The following PHACTR3 variants were observed in gnomAD, a reference collection of about 807,000 sequenced individuals.
PHACTR3 encodes the protein phosphatase and actin regulator 3.
A neutral mutation model predicts 66.8 loss-of-function variants in PHACTR3; 16 were observed. The ratio of observed to expected loss-of-function variants is 0.24; its 90% CI spans 0.16 to 0.36. The LOEUF is 0.36. PHACTR3 is among the 10% of genes least tolerant of loss of function. The probability of loss-of-function intolerance (pLI) is 1.00; values close to 1 mark genes in which losing one functional copy is unlikely to be tolerated. For missense variants in PHACTR3, 647 were observed against 719.9 expected (o/e 0.90, Z 1.16); for synonymous variants, 323 against 292.1 (o/e 1.11, Z -1.08).
chr20:59,631,263 T>C (rs4812121), intron 1 of PHACTR3, among the ~76,000 whole-genome samples: 120,337 of 152,124 alleles, frequency 0.79, 47,764 homozygotes, highest in East Asian at 0.89. Flanking sequence ...TGTGCATACA[T>C]GTCACTGGGA....
intron 1 of PHACTR3, among the ~76,000 whole-genome samples, chr20:59,631,793 G>T (rs1204009305): frequency 6.6e-6 from 1 of 152,134 alleles, no homozygotes; most frequent in Non-Finnish European, 1.5e-5. Flanking sequence ...TTTTTCAAAG[G>T]ACTTGGGAAA....
intron 1 of PHACTR3, among the ~76,000 whole-genome samples, chr20:59,691,333 A>T (rs1294706183): frequency 6.6e-6 from 1 of 152,260 alleles, no homozygotes; most frequent in African/African-American, 2.4e-5. Flanking sequence ...TTCTTTTGAT[A>T]TAAAATGTGA....
rs1185443006 is a variant in PHACTR3, at chr20:59,755,133, A to G, written c.359-49A>G. On this transcript the variant is annotated intron_variant, in intron 3 of 12. Transcript: ENST00000371015. Reference sequence around the variant, plus strand: ...AAAGACTCTTGGGACGACGGAAGGGATGAAGGAAGGGAGGTGCAGGCCCAG... The same window carrying G: ...AAAGACTCTTGGGACGACGGAAGGGGTGAAGGAAGGGAGGTGCAGGCCCAG... 1.9e-6 allele frequency: 3 copies of G among 1,572,534 alleles called. No homozygotes were observed. In the East Asian group the frequency reaches 6.7e-5, roughly 35 times the overall value.
chr20:59,596,515 C>T (rs2033329019), intron 1 of PHACTR3, among the ~76,000 whole-genome samples: 3 of 152,184 alleles, frequency 2.0e-5, no homozygotes, highest in Admixed American at 1.3e-4. Flanking sequence ...GATACCTACC[C>T]AGGTTTTTGT....
intron 7 of PHACTR3, among the ~76,000 whole-genome samples, chr20:59,785,872 C>G (rs1239616636): frequency 2.1e-5 from 1 of 47,656 alleles, no homozygotes; most frequent in Non-Finnish European, 6.1e-5. Flanking sequence ...CTTCTGCATC[C>G]CCTACTTCAT....
chr20:59,783,309 G>A (rs1050061600), intron 7 of PHACTR3, among the ~76,000 whole-genome samples: 32 of 152,224 alleles, frequency 2.1e-4, no homozygotes, highest in Non-Finnish European at 3.1e-4. Context: ...CCTGGTGGGC[G>A]TCTTGCAGCG....
At chr20:59,807,148 CTT>C (rs1469135254) in intron 8 of PHACTR3, among the ~76,000 whole-genome samples, 2 of 152,136 alleles carry the variant, frequency 1.3e-5, no homozygotes, top group East Asian at 1.9e-4. Context: ...TTAATAGTAA[CTT>C]TTTACTGGAT....
At chr20:59,835,983 G>A (rs2042514638) in intron 8 of PHACTR3, 1 of 152,846 alleles carries the variant, frequency 6.5e-6, no homozygotes, top group South Asian at 2.1e-4. Flanking sequence ...GCTCTACTCA[G>A]CAGTTCAGCA....
chr20:59,730,130 A>G (rs1395527446), intron 1 of PHACTR3, among the ~76,000 whole-genome samples: 2 of 152,118 alleles, frequency 1.3e-5, no homozygotes, highest in Non-Finnish European at 2.9e-5. Flanking sequence ...TACAGGTCAC[A>G]CTTGGTCTCT....
At chr20:59,751,677 C>T (rs78607360) in intron 3 of PHACTR3, among the ~76,000 whole-genome samples, 3,398 of 152,184 alleles carry the variant, frequency 0.022, 61 homozygotes, top group Non-Finnish European at 0.036. Context: ...ACCACTGTGA[C>T]CCCCTCCCCT....
chr20:59,618,704 G>A (rs2034123038), intron 1 of PHACTR3, among the ~76,000 whole-genome samples: 1 of 152,238 alleles, frequency 6.6e-6, no homozygotes, highest in South Asian at 2.1e-4. Context: ...GAGCCCTGAA[G>A]GCTGTGCAAG....
intron 1 of PHACTR3, among the ~76,000 whole-genome samples, chr20:59,670,204 C>G (rs1025377078): frequency 6.6e-6 from 1 of 152,060 alleles, no homozygotes. Context: ...TCGGTGATGA[C>G]GAATGTGGTG....
intron 1 of PHACTR3, among the ~76,000 whole-genome samples, chr20:59,727,250 C>T (rs1409682145): frequency 6.6e-6 from 1 of 152,166 alleles, no homozygotes; most frequent in African/African-American, 2.4e-5. Context: ...GGTCCCTCCA[C>T]ACTGTAGCAG....
intron 1 of PHACTR3, among the ~76,000 whole-genome samples, chr20:59,634,567 C>T (rs111751751): frequency 3.9e-5 from 6 of 152,308 alleles, no homozygotes; most frequent in African/African-American, 9.6e-5. Context: ...GTTTTCACAC[C>T]GCAGCAACAG....
At chr20:59,843,876 A>G (rs2059106569) in intron 11 of PHACTR3, 1 of 152,120 alleles carries the variant, frequency 6.6e-6, no homozygotes, top group South Asian at 2.1e-4. Context: ...CAACAGAGTA[A>G]AGAGACAACA....
intron 1 of PHACTR3, among the ~76,000 whole-genome samples, chr20:59,613,802 A>G (rs1050373726): frequency 1.3e-5 from 2 of 152,234 alleles, no homozygotes; most frequent in African/African-American, 4.8e-5. Context: ...CTAAGAAATT[A>G]AAGGTTGGAC....
At chr20:59,648,811 C>T (rs1459532579) in intron 1 of PHACTR3, among the ~76,000 whole-genome samples, 1 of 152,168 alleles carries the variant, frequency 6.6e-6, no homozygotes, top group East Asian at 1.9e-4. Context: ...GAATAAGTGA[C>T]AAGCTCGCCC....
intron 1 of PHACTR3, among the ~76,000 whole-genome samples, chr20:59,654,225 G>A (rs910191716): frequency 1.3e-5 from 2 of 151,968 alleles, no homozygotes; most frequent in Admixed American, 1.3e-4. Context: ...TGCTAAAAAA[G>A]GAATAAGAAA....
At position 59,649,509 on chromosome 20, in the gene PHACTR3, TATAAA is replaced by T. The variant is rs1301882302; in HGVS notation, c.118+44378_118+44382del. ...TTATACTAGGTGGATTTTGTGGTAATATAAAGGACGGTTGGAATTTTATTGAGTAT... is the reference window on the plus strand; with the variant it reads ...TTATACTAGGTGGATTTTGTGGTAATGGACGGTTGGAATTTTATTGAGTAT... On this transcript the variant is annotated intron_variant, in intron 1 of 12. Coordinates refer to ENST00000371015, the MANE Select transcript of PHACTR3 (RefSeq NM_080672.5). Among the ~76,000 whole-genome samples, 7 of 152,216 alleles carry T rather than the reference TATAAA, an allele frequency of 4.6e-5. No homozygotes were observed. In the East Asian group the frequency reaches 9.6e-4, roughly 21 times the overall value.
Sources: gnomAD v4.1 joint callset for allele counts (sites outside exome capture counted in the v4.1 genomes callset) on GRCh38, gnomAD v4.1.1 for gene constraint, MANE v1.5 for transcripts, NCBI Gene and HGNC (gene_info 2026-07-23, HGNC 2026-07-21) for gene names.